The following CHODL variants were observed in gnomAD, a reference collection of about 807,000 sequenced individuals.
The protein encoded by CHODL is chondrolectin.
A neutral mutation model predicts 34.5 loss-of-function variants in CHODL; 29 were observed. The ratio of observed to expected loss-of-function variants is 0.84; its 90% confidence interval spans 0.63 to 1.15. CHODL has a LOEUF of 1.15. Ranked by LOEUF, CHODL falls within the 50% of genes most tolerant of loss-of-function variation. The pLI, the probability that CHODL is intolerant of heterozygous loss-of-function variation, is 0.00. For missense variants in CHODL, 332 were observed against 332.5 expected (o/e 1.00, Z 0.01); for synonymous variants, 125 against 116.1 (o/e 1.08, Z -0.49).
intron 2 of CHODL, among the ~76,000 whole-genome samples, chr21:18,196,060 T>G (rs2073584315): frequency 6.6e-6 from 1 of 151,964 alleles, no homozygotes; most frequent in Non-Finnish European, 1.5e-5. Context: ...GGATCAGAAT[T>G]ATGTCCAAGG....
intron 2 of CHODL, among the ~76,000 whole-genome samples, chr21:18,150,650 C>T (rs894844585): frequency 2.1e-4 from 32 of 152,110 alleles, no homozygotes; most frequent in African/African-American, 7.7e-4. Flanking sequence ...CCTGCGTGAC[C>T]TAATTACCTC....
At chr21:18,250,322 T>TA (rs146077538) in intron 1 of CHODL, among the ~76,000 whole-genome samples, 36 of 152,050 alleles carry the variant, frequency 2.4e-4, no homozygotes, top group African/African-American at 8.4e-4. Flanking sequence ...TCTGATTTTT[T>TA]AAAAAAATAG....
At chr21:18,016,727 T>C (rs1325150181) in intron 1 of CHODL, among the ~76,000 whole-genome samples, 1 of 152,170 alleles carries the variant, frequency 6.6e-6, no homozygotes, top group Non-Finnish European at 1.5e-5. Flanking sequence ...CACTGTGCAC[T>C]TCAAAAAGCT....
At chr21:18,001,469 T>A (rs1458357320) in intron 1 of CHODL, among the ~76,000 whole-genome samples, 2 of 152,204 alleles carry the variant, frequency 1.3e-5, no homozygotes, top group Non-Finnish European at 2.9e-5. Context: ...ATAAATACAG[T>A]GTAATGGCAT....
intron 1 of CHODL, among the ~76,000 whole-genome samples, chr21:17,978,744 AAAC>A (rs1307058515): frequency 1.3e-5 from 2 of 148,992 alleles, no homozygotes; most frequent in Non-Finnish European, 1.5e-5. Context: ...AAAAAAAAAA[AAAC>A]AAACAAACAG....
At chr21:18,019,832 G>C (rs183082092) in intron 1 of CHODL, among the ~76,000 whole-genome samples, 1 of 152,076 alleles carries the variant, frequency 6.6e-6, no homozygotes, top group Non-Finnish European at 1.5e-5. Context: ...GAATCAGCCC[G>C]TATGTGGACC....
Position 18,091,680 on chromosome 21 carries a change from GACA to G in CHODL, c.-45+63713_-45+63715del, listed in dbSNP as rs371160258. Among the ~76,000 whole-genome samples, 41 of 152,232 alleles carry G rather than the reference GACA, an allele frequency of 2.7e-4. No individual in the cohort carries two copies. The East Asian group carries it at 3.9e-3, about 14-fold the overall frequency. ...CCTCAAATTCAGGCCTAGACTCGTG[GACA>G]ACATTTCTGATCCTGTCCTGGGCAA... On this transcript the variant is annotated intron_variant, in intron 2 of 6. Coordinates refer to the CHODL transcript ENST00000400127.
At chr21:18,185,639 G>C (rs2073432001) in intron 2 of CHODL, among the ~76,000 whole-genome samples, 1 of 152,294 alleles carries the variant, frequency 6.6e-6, no homozygotes, top group East Asian at 1.9e-4. Context: ...AACTTGTTTA[G>C]GCACATAAAG....
At chr21:17,926,122 C>G (rs1568800877) in intron 1 of CHODL, among the ~76,000 whole-genome samples, 1 of 152,100 alleles carries the variant, frequency 6.6e-6, no homozygotes, top group Non-Finnish European at 1.5e-5. Context: ...TCTCAAAGAT[C>G]AGGATGAAAA....
chr21:18,038,618 A>G lies in CHODL; in HGVS notation c.-45+10647A>G, dbSNP rs190179336. ...CTAAGTTTAGATAGAAGCTCTTCCC[A>G]TATTTGATGACCACTTAAAGTAAGT... On this transcript the variant is annotated intron_variant, in intron 2 of 6. Coordinates refer to the CHODL transcript ENST00000400127. Among the ~76,000 whole-genome samples, 632 of 151,870 alleles carry G rather than the reference A, an allele frequency of 4.2e-3. 6 individuals are homozygous for G. The highest frequency in any genetic ancestry group is 0.03 in the Admixed American group (463 of 15,248).
At chr21:18,028,265 T>C (rs197515) in intron 2 of CHODL, among the ~76,000 whole-genome samples, 71,086 of 111,650 alleles carry the variant, frequency 0.64, 23,381 homozygotes, top group African/African-American at 0.74. Context: ...TTTCTTTTTC[T>C]TTTTCCTTTT....
intron 2 of CHODL, among the ~76,000 whole-genome samples, chr21:18,237,452 TG>T (rs2074038907): frequency 6.6e-6 from 1 of 152,208 alleles, no homozygotes; most frequent in South Asian, 2.1e-4. Flanking sequence ...CTGACATCCT[TG>T]AGTGTTAGCA....
chr21:18,245,420 G>A, intron 1 of CHODL, 118 bp downstream of exon 1: 1 of 737,098 alleles, frequency 1.4e-6, no homozygotes, highest in Admixed American at 3.3e-5. Flanking sequence ...ATGGTGTAAG[G>A]ACCCGGGAGG....
intron 2 of CHODL, among the ~76,000 whole-genome samples, chr21:18,209,520 C>T (rs1357354677): frequency 1.3e-5 from 2 of 152,138 alleles, no homozygotes; most frequent in South Asian, 2.1e-4. Context: ...CTTTACCCCA[C>T]GTGGCTGAGC....
chr21:18,054,829 TAAAAAG>T (rs957720769), intron 2 of CHODL, among the ~76,000 whole-genome samples: 1 of 151,946 alleles, frequency 6.6e-6, no homozygotes, highest in African/African-American at 2.4e-5. Context: ...GTATGTCAAT[TAAAAAG>T]AGAAAAGAAA....
At chr21:17,953,946 G>T (rs1367925965) in intron 1 of CHODL, among the ~76,000 whole-genome samples, 1 of 151,942 alleles carries the variant, frequency 6.6e-6, no homozygotes, top group Non-Finnish European at 1.5e-5. Flanking sequence ...GGAGGTGGAG[G>T]TTGCATGAGC....
chr21:18,110,156 TACA>T (rs2065329808), intron 2 of CHODL, among the ~76,000 whole-genome samples: 1 of 152,226 alleles, frequency 6.6e-6, no homozygotes, highest in Non-Finnish European at 1.5e-5. Context: ...CAAACATATT[TACA>T]ACAACAAGAG....
intron 1 of CHODL, chr21:18,245,890 A>C: frequency 6.5e-7 from 1 of 1,535,316 alleles, no homozygotes; most frequent in Non-Finnish European, 8.7e-7. Flanking sequence ...CTGCGTTCCA[A>C]GTTGGGGACT....
intron 2 of CHODL, among the ~76,000 whole-genome samples, chr21:18,135,288 T>C (rs984554794): frequency 1.3e-5 from 2 of 152,220 alleles, no homozygotes; most frequent in Non-Finnish European, 2.9e-5. Context: ...TTTTCATTTA[T>C]GCGCTCTCAG....
Sources: allele counts gnomAD v4.1 joint callset (sites outside exome capture counted in the v4.1 genomes callset), GRCh38; gene constraint gnomAD v4.1.1; transcripts MANE v1.5; gene names NCBI Gene and HGNC (gene_info 2026-07-23, HGNC 2026-07-21).